The following ADARB2 variants were observed in gnomAD, a reference collection of about 807,000 sequenced individuals.
ADARB2 encodes adenosine deaminase RNA specific B2 (inactive).
In ADARB2, 25 loss-of-function variants were observed where a neutral mutation model predicts 62.2. That is an observed-to-expected ratio of 0.40 (90% CI 0.29 to 0.56). The LOEUF (loss-of-function observed/expected upper bound fraction) is 0.56, where lower values mean the gene tolerates loss of function less well. ADARB2 is among the 20% of genes least tolerant of loss of function. ADARB2 has a pLI of 0.43. For synonymous variants in ADARB2, 572 were observed against 500.8 expected, an observed-to-expected ratio of 1.14 and a Z score of -1.90; for missense variants, 1,071 against 1,077.4, an observed-to-expected ratio of 0.99 and a Z score of 0.08.
chr10:1,541,891 G>A (rs373697536), intron 1 of ADARB2, among the ~76,000 whole-genome samples: 13 of 8,194 alleles, frequency 1.6e-3, no homozygotes, highest in Admixed American at 2.9e-3. Context: ...CGCCCAGACC[G>A]CACTCAGATG....
intron 1 of ADARB2, among the ~76,000 whole-genome samples, chr10:1,523,556 C>G (rs554151454): frequency 6.0e-4 from 91 of 152,344 alleles, no homozygotes; most frequent in African/African-American, 2.1e-3. Flanking sequence ...TCACGAGTTT[C>G]TGCATTTTGA....
intron 1 of ADARB2, among the ~76,000 whole-genome samples, chr10:1,392,428 T>G (rs1437083731): frequency 6.6e-6 from 1 of 152,194 alleles, no homozygotes; most frequent in Admixed American, 6.5e-5. Context: ...TCCATAGCTG[T>G]ATATTCGAAC....
intron 4 of ADARB2, among the ~76,000 whole-genome samples, chr10:1,258,821 T>G (rs923523214): frequency 9.9e-5 from 15 of 152,260 alleles, no homozygotes; most frequent in African/African-American, 3.6e-4. Context: ...TACAGAAGTC[T>G]CCACCCCAAA....
chr10:1,710,470 C>T (rs189757264), intron 1 of ADARB2, among the ~76,000 whole-genome samples: 4 of 152,294 alleles, frequency 2.6e-5, no homozygotes, highest in Non-Finnish European at 5.9e-5. Flanking sequence ...GACACATGCA[C>T]CCAGAAGATA....
chr10:1,576,266 TCAGGGTCA>T (rs1415177246), intron 1 of ADARB2, among the ~76,000 whole-genome samples: 2 of 139,250 alleles, frequency 1.4e-5, no homozygotes, highest in Non-Finnish European at 3.1e-5. Flanking sequence ...ACTGTAGGGC[TCAGGGTCA>T]AAGGAGGGGG....
chr10:1,425,027 C>G (rs913937908), intron 1 of ADARB2, among the ~76,000 whole-genome samples: 7 of 152,224 alleles, frequency 4.6e-5, no homozygotes, highest in Non-Finnish European at 1.0e-4. Context: ...GAGTGAGTCT[C>G]TTCTAACGCA....
intron 1 of ADARB2, among the ~76,000 whole-genome samples, chr10:1,664,802 G>A (rs982968515): frequency 5.9e-5 from 9 of 152,210 alleles, no homozygotes; most frequent in Non-Finnish European, 1.0e-4. Flanking sequence ...AGCCTAGGGC[G>A]CTGTGTGCTG....
At chr10:1,262,626 AAAC>A in intron 4 of ADARB2, among the ~76,000 whole-genome samples, 2 of 152,274 alleles carry the variant, frequency 1.3e-5, no homozygotes, top group Admixed American at 1.3e-4. Flanking sequence ...AAAAGTCAGG[AAAC>A]AACAGGTGCT....
chr10:1,536,788 C>A (rs1243340864), intron 1 of ADARB2, among the ~76,000 whole-genome samples: 1 of 152,146 alleles, frequency 6.6e-6, no homozygotes, highest in African/African-American at 2.4e-5. Context: ...GGACTCCTTC[C>A]TTTTACTTAT....
chr10:1,590,785 C>T (rs1833242159), intron 1 of ADARB2, among the ~76,000 whole-genome samples: 2 of 152,094 alleles, frequency 1.3e-5, no homozygotes, highest in Non-Finnish European at 2.9e-5. Flanking sequence ...GGACGGTGGA[C>T]GGTTTCAGGG....
At chr10:1,391,766 A>ATTTTTTTTTTTT (rs60956446) in intron 1 of ADARB2, among the ~76,000 whole-genome samples, 3 of 91,614 alleles carry the variant, frequency 3.3e-5, no homozygotes, top group African/African-American at 4.4e-5. Flanking sequence ...TAAGAATTGG[A>ATTTTTTTTTTTT]TTTTTTTTTT....
chr10:1,258,741 G>A (rs552601196), intron 4 of ADARB2, among the ~76,000 whole-genome samples: 3 of 152,182 alleles, frequency 2.0e-5, no homozygotes, highest in Non-Finnish European at 2.9e-5. Flanking sequence ...ACAGATCAAC[G>A]AGACATAAAG....
At chr10:1,319,590 A>C (rs979558926) in intron 3 of ADARB2, among the ~76,000 whole-genome samples, 3 of 151,908 alleles carry the variant, frequency 2.0e-5, no homozygotes, top group Non-Finnish European at 4.4e-5. Flanking sequence ...CTCATTGCAC[A>C]AATTCCTCTT....
At chr10:1,411,053 G>A (rs111571448) in intron 1 of ADARB2, among the ~76,000 whole-genome samples, 3,972 of 152,278 alleles carry the variant, frequency 0.026, 56 homozygotes, top group Middle Eastern at 0.048. Flanking sequence ...CCCTCAGGGC[G>A]CCTGCAGGGA....
chr10:1,470,471 T>C (rs1307968429), intron 1 of ADARB2, among the ~76,000 whole-genome samples: 1 of 152,158 alleles, frequency 6.6e-6, no homozygotes, highest in Non-Finnish European at 1.5e-5. Flanking sequence ...TTAACAGAAC[T>C]TTATACTTAG....
intron 3 of ADARB2, among the ~76,000 whole-genome samples, chr10:1,293,180 A>G (rs1313871623): frequency 2.8e-5 from 1 of 35,902 alleles, no homozygotes; most frequent in Admixed American, 2.9e-4. Flanking sequence ...GGAGAGGGGG[A>G]GAGAAAGACA....
chr10:1,623,461 G>A (rs921412250), intron 1 of ADARB2, among the ~76,000 whole-genome samples: 1 of 152,174 alleles, frequency 6.6e-6, no homozygotes, highest in African/African-American at 2.4e-5. Context: ...AATATAAACT[G>A]TTGTTTTGGG....
intron 1 of ADARB2, among the ~76,000 whole-genome samples, chr10:1,404,003 A>AC (rs1832686069): frequency 6.6e-6 from 1 of 151,852 alleles, no homozygotes. Context: ...GTCACCAGCC[A>AC]CCCCCCATCC....
intron 1 of ADARB2, 81 bp downstream of exon 1, chr10:1,736,970 G>A: frequency 7.0e-7 from 1 of 1,429,240 alleles, no homozygotes; most frequent in Non-Finnish European, 9.7e-7. Flanking sequence ...CAACGGACAA[G>A]CCCGGAGACC....
Sources: gnomAD v4.1 joint callset for allele counts (sites outside exome capture counted in the v4.1 genomes callset) on GRCh38, gnomAD v4.1.1 for gene constraint, MANE v1.5 for transcripts, NCBI Gene and HGNC (gene_info 2026-07-23, HGNC 2026-07-21) for gene names.